Variants in DIP2C observed in about 807,000 individuals in gnomAD.
DIP2C encodes disco-interacting protein 2 homolog C.
A neutral mutation model predicts 192.4 loss-of-function variants in DIP2C; 33 were observed. The ratio of observed to expected loss-of-function variants is 0.17; its 90% confidence interval spans 0.13 to 0.23. DIP2C has a LOEUF of 0.23. DIP2C is among the 10% of genes least tolerant of loss of function. The pLI is 1.00. For synonymous variants in DIP2C, 979 were observed against 864.1 expected (o/e 1.13, Z -2.33); for missense variants, 1,537 against 2,110.1 (o/e 0.73, Z 5.32).
At chr10:540,625 G>C (rs1204268800) in intron 1 of DIP2C, among the ~76,000 whole-genome samples, 2 of 152,226 alleles carry the variant, frequency 1.3e-5, no homozygotes, top group African/African-American at 4.8e-5. Flanking sequence ...CAAGAATATG[G>C]CGGTGATCGT....
chr10:400,476 T>C (rs1964328018), intron 9 of DIP2C, among the ~76,000 whole-genome samples: 1 of 152,270 alleles, frequency 6.6e-6, no homozygotes, highest in Non-Finnish European at 1.5e-5. Flanking sequence ...TACTTGTACA[T>C]GTGGGGTAGC....
intron 1 of DIP2C, among the ~76,000 whole-genome samples, chr10:498,019 G>GCAC (rs1844965901): frequency 6.7e-6 from 1 of 148,616 alleles, no homozygotes; most frequent in Non-Finnish European, 1.5e-5. Context: ...CCACAGGCAG[G>GCAC]CACCACCACA....
chr10:284,942 T>A (rs1034007307), intron 34 of DIP2C, among the ~76,000 whole-genome samples: 1 of 152,060 alleles, frequency 6.6e-6, no homozygotes, highest in Non-Finnish European at 1.5e-5. Flanking sequence ...CTGGCCACCC[T>A]CAGAGGGAAG....
At chr10:415,193 T>C (rs1965549130) in intron 7 of DIP2C, among the ~76,000 whole-genome samples, 2 of 152,186 alleles carry the variant, frequency 1.3e-5, no homozygotes, top group South Asian at 2.1e-4. Context: ...CTTCCATTTC[T>C]GGAACAGACT....
chr10:305,993 A>ATATATATATATGTATG (rs958069491), intron 32 of DIP2C, among the ~76,000 whole-genome samples: 4 of 142,776 alleles, frequency 2.8e-5, no homozygotes, highest in African/African-American at 1.0e-4. Flanking sequence ...ATATATATAT[A>ATATATATATATGTATG]TTATATTTTT....
intron 3 of DIP2C, among the ~76,000 whole-genome samples, chr10:457,323 T>C (rs1969384324): frequency 2.0e-5 from 3 of 152,216 alleles, no homozygotes; most frequent in Non-Finnish European, 4.4e-5. Flanking sequence ...TTCCAAGATG[T>C]CTTCTGACTT....
At chr10:359,664 CTG>C (rs992757052) in intron 22 of DIP2C, among the ~76,000 whole-genome samples, 3 of 152,220 alleles carry the variant, frequency 2.0e-5, no homozygotes, top group African/African-American at 4.8e-5. Context: ...AATTGCCCCT[CTG>C]TGATCTCCAA....
chr10:345,097 G>A lies in DIP2C; in HGVS notation c.3245C>T (p.Ala1082Val). The part of the protein sequence containing the change: ...VKMIVEVSRS[A>V]CLMTTQLICK... The stretch of plus-strand genomic sequence containing the variant: ...GATCAGCTGTGTCGTCATCAGACAG[G>A]CAGAGCGACTCACCTGGCATCAGAG... Residue 1082 changes from alanine to valine, a missense_variant, in exon 27 of 37, where the codon GCC becomes GTC. Ala to Val is a moderately conservative substitution (Grantham distance 64, BLOSUM62 0). Around this residue, in one of 4 missense-constraint regions of DIP2C, gnomAD observed 677 missense variants for 989.9 expected, o/e 0.68. Transcript: ENST00000280886. The A allele has an allele frequency of 1.9e-6, 3 of 1,612,142 alleles. No homozygotes were observed. The highest frequency in any genetic ancestry group is 2.2e-5 in the South Asian group (2 of 90,824).
chr10:437,553 C>T (rs929126933), intron 4 of DIP2C: 3 of 152,302 alleles, frequency 2.0e-5, no homozygotes, highest in Non-Finnish European at 4.4e-5. Flanking sequence ...CTCATTCATT[C>T]TCCTGCCCTC....
chr10:687,602 C>G (rs1395746256), intron 1 of DIP2C, among the ~76,000 whole-genome samples: 2 of 152,196 alleles, frequency 1.3e-5, no homozygotes, highest in African/African-American at 4.8e-5. Context: ...ACTCATTAAG[C>G]CCTTTTTAAA....
chr10:568,463 C>T (rs922599522), intron 1 of DIP2C, among the ~76,000 whole-genome samples: 1 of 152,250 alleles, frequency 6.6e-6, no homozygotes, highest in African/African-American at 2.4e-5. Flanking sequence ...CTGTAACAAG[C>T]TTTCGGAAAA....
intron 1 of DIP2C, among the ~76,000 whole-genome samples, chr10:579,173 C>T (rs11595002): frequency 2.0e-5 from 3 of 150,336 alleles, no homozygotes; most frequent in African/African-American, 4.9e-5. Context: ...GTGTACAAAC[C>T]TAAGTGCACT....
At chr10:533,890 C>T (rs1847552042) in intron 1 of DIP2C, among the ~76,000 whole-genome samples, 1 of 151,948 alleles carries the variant, frequency 6.6e-6, no homozygotes, top group African/African-American at 2.4e-5. Context: ...GTCTCAGAGA[C>T]ACTTCTGGTT....
chr10:555,612 G>A (rs1432714265), intron 1 of DIP2C, among the ~76,000 whole-genome samples: 3 of 152,300 alleles, frequency 2.0e-5, no homozygotes, highest in Non-Finnish European at 2.9e-5. Flanking sequence ...CTGTTGAGCC[G>A]TGTCTCTCAG....
chr10:395,370 G>A (rs140649056), intron 10 of DIP2C, among the ~76,000 whole-genome samples: 131 of 152,226 alleles, frequency 8.6e-4, no homozygotes, highest in African/African-American at 2.5e-3. Flanking sequence ...ATTCCACGTC[G>A]TATGCATATA....
intron 3 of DIP2C, among the ~76,000 whole-genome samples, chr10:461,117 T>A (rs1044330077): frequency 6.6e-6 from 1 of 152,188 alleles, no homozygotes; most frequent in Non-Finnish European, 1.5e-5. Context: ...TAAAGACCAC[T>A]GACACTGTGA....
chr10:441,178 A>C (rs1967696626), intron 3 of DIP2C, 182 bp from the exon 4 acceptor site: 7 of 647,696 alleles, frequency 1.1e-5, no homozygotes, highest in East Asian at 6.0e-5. Context: ...TCATTCACAG[A>C]CTTTTAATCA....
intron 10 of DIP2C, among the ~76,000 whole-genome samples, chr10:396,205 A>G (rs1197149509): frequency 2.6e-5 from 4 of 152,236 alleles, no homozygotes; most frequent in African/African-American, 9.6e-5. Flanking sequence ...ATTATTTCAA[A>G]GCATCTTAAA....
At chr10:476,135 G>A (rs1843013594) in intron 2 of DIP2C, among the ~76,000 whole-genome samples, 1 of 152,162 alleles carries the variant, frequency 6.6e-6, no homozygotes, top group African/African-American at 2.4e-5. Context: ...CTGGGAAGGA[G>A]GTATCCCCAG....
Sources: gnomAD v4.1 joint callset for allele counts (sites outside exome capture counted in the v4.1 genomes callset) on GRCh38, gnomAD v4.1.1 for gene constraint, gnomAD v4.1.1 regional missense constraint, MANE v1.5 for transcripts, NCBI Gene and HGNC (gene_info 2026-07-23, HGNC 2026-07-21) for gene names.